VAMP7: variants seen among roughly 807,000 people sequenced by gnomAD.
VAMP7 encodes the protein vesicle-associated membrane protein 7.
Under a neutral mutation model 29.6 loss-of-function variants are expected in VAMP7, and 14 were observed. The observed-to-expected ratio is 0.47, with a 90% CI of 0.31 to 0.74. The LOEUF (loss-of-function observed/expected upper bound fraction) is 0.74, where lower values mean the gene tolerates loss of function less well. Among genes scored for constraint, VAMP7 ranks in the 30% least tolerant of loss-of-function variants. The pLI, the probability that VAMP7 is intolerant of heterozygous loss-of-function variation, is 0.05. For synonymous variants in VAMP7, 95 were observed against 88.1 expected (o/e 1.08, Z -0.44); for missense variants, 223 against 262.4 (o/e 0.85, Z 1.04).
intron 5 of VAMP7, among the ~76,000 whole-genome samples, chrX:155,902,112 G>C (rs2066071607): frequency 6.6e-6 from 1 of 152,042 alleles, no homozygotes; most frequent in African/African-American, 2.4e-5. Flanking sequence ...GGATTCCTAG[G>C]TATTTTATTC....
At chrX:155,914,034 C>T (rs2066276100) in intron 5 of VAMP7, among the ~76,000 whole-genome samples, 1 of 152,106 alleles carries the variant, frequency 6.6e-6, no homozygotes, top group Admixed American at 6.6e-5. Flanking sequence ...TCTCTTATTT[C>T]CTTGAGCAGT....
At chrX:155,882,868 T>C (rs1476332832) in intron 1 of VAMP7, among the ~76,000 whole-genome samples, 3 of 152,218 alleles carry the variant, frequency 2.0e-5, no homozygotes, top group African/African-American at 7.2e-5. Context: ...ATAGACACTT[T>C]GACCTCTCTT....
chrX:155,911,552 T>TATTA (rs1187072189), intron 5 of VAMP7, among the ~76,000 whole-genome samples: 5 of 152,148 alleles, frequency 3.3e-5, no homozygotes, highest in African/African-American at 1.2e-4. Context: ...CTTATGGTCA[T>TATTA]TTTAATAATA....
intron 5 of VAMP7, among the ~76,000 whole-genome samples, chrX:155,902,028 T>A (rs894091970): frequency 2.0e-5 from 3 of 152,132 alleles, no homozygotes; most frequent in African/African-American, 4.8e-5. Context: ...TCCATTTCTT[T>A]GTATCCTCTT....
chrX:155,910,159 A>G (rs1396238334), intron 5 of VAMP7, among the ~76,000 whole-genome samples: 1 of 152,116 alleles, frequency 6.6e-6, no homozygotes, highest in African/African-American at 2.4e-5. Context: ...GTCTACCTCC[A>G]TGAGATCAAC....
At chrX:155,906,635 A>C (rs1367958976) in intron 5 of VAMP7, among the ~76,000 whole-genome samples, 1 of 152,128 alleles carries the variant, frequency 6.6e-6, no homozygotes, top group Non-Finnish European at 1.5e-5. Context: ...AATGTATAGA[A>C]ATTTTATTGA....
At chrX:155,920,493 G>A (rs1672587478) in intron 6 of VAMP7, among the ~76,000 whole-genome samples, 1 of 152,022 alleles carries the variant, frequency 6.6e-6, no homozygotes, top group Admixed American at 6.6e-5. Flanking sequence ...CTACAATTTG[G>A]GTCTACACAA....
At chrX:155,926,686 A>G (rs1367452929) in intron 6 of VAMP7, among the ~76,000 whole-genome samples, 1 of 152,142 alleles carries the variant, frequency 6.6e-6, no homozygotes, top group Non-Finnish European at 1.5e-5. Flanking sequence ...TGCATTCACA[A>G]TTTGGTTAAC....
intron 5 of VAMP7, among the ~76,000 whole-genome samples, chrX:155,913,145 CAT>C (rs1341035172): frequency 6.6e-6 from 1 of 152,072 alleles, no homozygotes; most frequent in Admixed American, 6.6e-5. Flanking sequence ...GCTTTTTTTT[CAT>C]ATGTTTATTG....
chrX:155,907,709 A>G (rs1192971047), intron 5 of VAMP7, among the ~76,000 whole-genome samples: 3 of 152,146 alleles, frequency 2.0e-5, no homozygotes, highest in African/African-American at 2.4e-5. Flanking sequence ...CGATTTCTCA[A>G]TCTTTTCCCC....
Position 155,939,489 on chromosome X carries a change from G to A in VAMP7, c.502-212G>A, listed in dbSNP as rs140493470. Among the ~76,000 whole-genome samples the A allele has an allele frequency of 4.8e-3, 737 of 152,260 alleles. 3 individuals carry two copies. The highest frequency in any genetic ancestry group is 5.9e-3 in the Non-Finnish European group (398 of 68,020). On this transcript the variant is annotated intron_variant, in intron 6 of 7. Transcript: ENST00000286448. ...TGCTGCAGTGGAGAAGAAAAAAGAG[G>A]GAAGCGTTTTCATTGGGCTCATACT...
chrX:155,910,723 C>G (rs1358794278), intron 5 of VAMP7, among the ~76,000 whole-genome samples: 1 of 151,584 alleles, frequency 6.6e-6, no homozygotes, highest in African/African-American at 2.4e-5. Flanking sequence ...TTTCATATAC[C>G]TTTTGGCCAT....
At chrX:155,928,325 G>T (rs927008919) in intron 6 of VAMP7, among the ~76,000 whole-genome samples, 9 of 151,956 alleles carry the variant, frequency 5.9e-5, no homozygotes, top group African/African-American at 1.9e-4. Flanking sequence ...TCACAAACTT[G>T]GTGGCTTAAA....
intron 5 of VAMP7, among the ~76,000 whole-genome samples, chrX:155,915,658 ATGTAGTTGTGCAG>A (rs2066301315): frequency 6.6e-6 from 1 of 152,096 alleles, no homozygotes. Flanking sequence ...TTCATTTTCC[ATGTAGTTGTGCAG>A]TTTTGAGTGA....
intron 5 of VAMP7, among the ~76,000 whole-genome samples, chrX:155,915,422 C>G (rs2066297898): frequency 6.6e-6 from 1 of 151,974 alleles, no homozygotes; most frequent in Admixed American, 6.6e-5. Context: ...AATTTGTTTG[C>G]TCTTGCTTCT....
chrX:155,931,456 G>A (rs1313705380), intron 6 of VAMP7, among the ~76,000 whole-genome samples: 1 of 152,118 alleles, frequency 6.6e-6, no homozygotes, highest in African/African-American at 2.4e-5. Context: ...TTTCTCTGAT[G>A]GCCAGTGATG....
chrX:155,909,800 T>C (rs1374107973), intron 5 of VAMP7, among the ~76,000 whole-genome samples: 1 of 152,298 alleles, frequency 6.6e-6, no homozygotes, highest in East Asian at 1.9e-4. Context: ...GCTAGCTGTC[T>C]AGTGTCTTTT....
intron 6 of VAMP7, among the ~76,000 whole-genome samples, chrX:155,934,190 G>A (rs745787786): frequency 6.6e-6 from 1 of 152,278 alleles, no homozygotes; most frequent in Admixed American, 6.5e-5. Flanking sequence ...ATTTGGGGTG[G>A]AGAGTTCTGT....
At chrX:155,937,841 C>T (rs1200699547) in intron 6 of VAMP7, among the ~76,000 whole-genome samples, 7 of 152,062 alleles carry the variant, frequency 4.6e-5, no homozygotes, top group African/African-American at 1.2e-4. Flanking sequence ...ATCTGTTGAT[C>T]GTATAAATTG....
Sources: gnomAD v4.1 joint callset for allele counts (sites outside exome capture counted in the v4.1 genomes callset) on GRCh38, gnomAD v4.1.1 for gene constraint, MANE v1.5 for transcripts, NCBI Gene and HGNC (gene_info 2026-07-23, HGNC 2026-07-21) for gene names.